Variants in ASIC2 observed in about 807,000 individuals in gnomAD.
The protein encoded by ASIC2 is acid-sensing ion channel 2.
In ASIC2, 25 loss-of-function variants were observed where a neutral mutation model predicts 57.3. The ratio of observed to expected loss-of-function variants is 0.44; its 90% CI spans 0.32 to 0.61. ASIC2 has a LOEUF of 0.61. ASIC2 is among the 20% of genes least tolerant of loss of function. ASIC2 has a pLI of 0.06. For synonymous variants in ASIC2, 319 were observed against 307.5 expected, an observed-to-expected ratio of 1.04 and a Z score of -0.39; for missense variants, 641 against 738.1, an observed-to-expected ratio of 0.87 and a Z score of 1.52.
intron 1 of ASIC2, among the ~76,000 whole-genome samples, chr17:33,707,097 G>C (rs1908885429): frequency 6.6e-6 from 1 of 152,136 alleles, no homozygotes; most frequent in South Asian, 2.1e-4. Context: ...CTGTCTCCTA[G>C]CTTCTGATAG....
chr17:33,673,897 C>CTTTTTTTTT (rs574986885), intron 1 of ASIC2, among the ~76,000 whole-genome samples: 2,195 of 140,836 alleles, frequency 0.016, 81 homozygotes, highest in African/African-American at 0.055. Flanking sequence ...GCATCCGTGT[C>CTTTTTTTTT]TTTTTTTTTT....
chr17:34,029,069 C>T (rs1043262724), intron 1 of ASIC2, among the ~76,000 whole-genome samples: 2 of 152,114 alleles, frequency 1.3e-5, no homozygotes, highest in Non-Finnish European at 2.9e-5. Flanking sequence ...TGATCATCCC[C>T]CTCCTACCTC....
chr17:33,450,057 C>T (rs1912188870), intron 1 of ASIC2, among the ~76,000 whole-genome samples: 1 of 152,168 alleles, frequency 6.6e-6, no homozygotes, highest in South Asian at 2.1e-4. Context: ...CGTGATCCCA[C>T]CACACCCGGC....
chr17:33,672,650 G>C (rs1907674683), intron 1 of ASIC2, among the ~76,000 whole-genome samples: 1 of 152,180 alleles, frequency 6.6e-6, no homozygotes, highest in Non-Finnish European at 1.5e-5. Flanking sequence ...AGTGTCCCAA[G>C]AGATAGCTTT....
chr17:34,152,908 C>T (rs1001631671), intron 1 of ASIC2, among the ~76,000 whole-genome samples: 5 of 150,376 alleles, frequency 3.3e-5, no homozygotes, highest in African/African-American at 1.2e-4. Flanking sequence ...TCAAAGCTGT[C>T]TTCTGCTTTT....
intron 1 of ASIC2, chr17:33,627,205 C>G (rs1906014324): frequency 1.3e-5 from 2 of 152,194 alleles, no homozygotes; most frequent in African/African-American, 4.8e-5. Flanking sequence ...TCAGCCATTC[C>G]AGATTCCAGA....
chr17:33,119,769 T>C (rs148320876), intron 1 of ASIC2, among the ~76,000 whole-genome samples: 1,926 of 152,346 alleles, frequency 0.013, 36 homozygotes, highest in African/African-American at 0.043. Flanking sequence ...AGCATCTCCA[T>C]GTGGCAGGTG....
chr17:33,439,602 G>T (rs1266688774), intron 1 of ASIC2, among the ~76,000 whole-genome samples: 15 of 152,158 alleles, frequency 9.9e-5, no homozygotes, highest in Admixed American at 9.8e-4. Context: ...TATTTGAGTG[G>T]GGTTTCAGGC....
chr17:33,399,386 C>T (rs141869995), intron 1 of ASIC2, among the ~76,000 whole-genome samples: 118 of 152,302 alleles, frequency 7.7e-4, no homozygotes, highest in African/African-American at 2.7e-3. Context: ...GGGTGAGGGA[C>T]GATCAGGAGG....
At chr17:33,372,413 C>T (rs900669209) in intron 1 of ASIC2, among the ~76,000 whole-genome samples, 1 of 152,098 alleles carries the variant, frequency 6.6e-6, no homozygotes, top group Non-Finnish European at 1.5e-5. Flanking sequence ...CTCTGCCTAC[C>T]CCCTGGGGCC....
chr17:33,608,558 C>T (rs1292826587), intron 1 of ASIC2, among the ~76,000 whole-genome samples: 1 of 147,124 alleles, frequency 6.8e-6, no homozygotes, highest in Non-Finnish European at 1.5e-5. Context: ...TGCCTTCCTC[C>T]CAGGATTAGT....
chr17:33,827,722 TTTTAC>T (rs1222464821), intron 1 of ASIC2: 2 of 152,180 alleles, frequency 1.3e-5, no homozygotes, highest in South Asian at 2.1e-4. Context: ...TTCTTTTTTC[TTTTAC>T]TTTAAGTTCT....
chr17:33,279,704 G>A (rs903011001), intron 1 of ASIC2, among the ~76,000 whole-genome samples: 1 of 152,108 alleles, frequency 6.6e-6, no homozygotes, highest in Admixed American at 6.5e-5. Flanking sequence ...CCTAGGTAAC[G>A]TAGCAAGACC....
At chr17:33,934,234 T>A (rs973272818) in intron 1 of ASIC2, among the ~76,000 whole-genome samples, 22 of 152,164 alleles carry the variant, frequency 1.4e-4, no homozygotes, top group African/African-American at 5.3e-4. Flanking sequence ...GGCTTAGCAA[T>A]TCGGGGGCTG....
chr17:33,851,892 G>A (rs963732849), intron 1 of ASIC2, among the ~76,000 whole-genome samples: 1 of 152,234 alleles, frequency 6.6e-6, no homozygotes, highest in African/African-American at 2.4e-5. Flanking sequence ...AGTTCATAGA[G>A]TAATTGAAAA....
At chr17:33,425,066 G>A (rs1911172353) in intron 1 of ASIC2, among the ~76,000 whole-genome samples, 1 of 152,228 alleles carries the variant, frequency 6.6e-6, no homozygotes, top group Non-Finnish European at 1.5e-5. Context: ...AACACTCCTA[G>A]GAGAAAATTA....
intron 1 of ASIC2, among the ~76,000 whole-genome samples, chr17:33,355,531 A>G (rs1908342996): frequency 6.6e-6 from 1 of 152,254 alleles, no homozygotes; most frequent in Middle Eastern, 3.4e-3. Flanking sequence ...GGGGCTTTAA[A>G]GACCCAGGCT....
rs559034051 is a variant in ASIC2 at position 33,506,111 on chromosome 17, C to T, written c.556-394044G>A. Among the ~76,000 whole-genome samples the T allele has an allele frequency of 2.1e-3, 326 of 152,026 alleles. 3 individuals carry two copies. Among genetic ancestry groups the T allele is most frequent in the Non-Finnish European group, 1.6e-3 (109 of 67,990 alleles). ...AGTAAAAGATAGAAATGAGGCTGGA[C>T]AGGCTGGGTGTGGTGGCTCACGCCT... On this transcript the variant is annotated intron_variant, in intron 1 of 9. Transcript: ENST00000359872.
intron 1 of ASIC2, among the ~76,000 whole-genome samples, chr17:33,324,361 T>C (rs534917103): frequency 2.8e-4 from 43 of 152,292 alleles, no homozygotes; most frequent in African/African-American, 1.0e-3. Flanking sequence ...TGCCCCTCAA[T>C]TTCCACATCA....
Sources: allele counts gnomAD v4.1 joint callset (sites outside exome capture counted in the v4.1 genomes callset), GRCh38; gene constraint gnomAD v4.1.1; transcripts MANE v1.5; gene names NCBI Gene and HGNC (gene_info 2026-07-23, HGNC 2026-07-21).